MACROD2: variants seen among roughly 807,000 people sequenced by gnomAD.
The protein encoded by MACROD2 is mono-ADP ribosylhydrolase 2, also known as ADP-ribose glycohydrolase MACROD2.
Under a neutral mutation model 70.4 loss-of-function variants are expected in MACROD2, and 36 were observed. The ratio of observed to expected loss-of-function variants is 0.51; its 90% CI spans 0.39 to 0.68. MACROD2 has a LOEUF of 0.68. Among genes scored for constraint, MACROD2 ranks in the 30% least tolerant of loss-of-function variants. The probability of loss-of-function intolerance (pLI) is 0.00; values close to 1 mark genes in which losing one functional copy is unlikely to be tolerated. For synonymous variants in MACROD2, 172 were observed against 178.8 expected (o/e 0.96, Z 0.30); for missense variants, 496 against 538.4 (o/e 0.92, Z 0.78).
chr20:15,501,708 A>T (rs2047366985), intron 8 of MACROD2, among the ~76,000 whole-genome samples: 1 of 152,260 alleles, frequency 6.6e-6, no homozygotes, highest in East Asian at 1.9e-4. Flanking sequence ...ATTCCCTTTT[A>T]AAAAAGACCC....
chr20:15,213,994 C>T (rs1429092725), intron 5 of MACROD2, among the ~76,000 whole-genome samples: 1 of 152,014 alleles, frequency 6.6e-6, no homozygotes, highest in Non-Finnish European at 1.5e-5. Context: ...ATCCTTCTGC[C>T]TTGTCCTCCC....
chr20:15,652,712 G>A (rs891261574), intron 8 of MACROD2, among the ~76,000 whole-genome samples: 48 of 151,690 alleles, frequency 3.2e-4, no homozygotes, highest in African/African-American at 1.1e-3. Flanking sequence ...TTTGACTTTT[G>A]TGGTTTCCTA....
chr20:15,461,109 G>A (rs2046813144), intron 7 of MACROD2, among the ~76,000 whole-genome samples: 2 of 150,582 alleles, frequency 1.3e-5, no homozygotes, highest in Admixed American at 1.3e-4. Context: ...TTGGGCTCAA[G>A]TGAGTCTCCT....
chr20:14,532,204 C>A (rs143035941), intron 4 of MACROD2, among the ~76,000 whole-genome samples: 1 of 151,128 alleles, frequency 6.6e-6, no homozygotes, highest in East Asian at 1.9e-4. Context: ...ACAAAACAAT[C>A]CTGTATAACT....
intron 8 of MACROD2, among the ~76,000 whole-genome samples, chr20:15,590,045 GA>G (rs1184527327): frequency 1.3e-5 from 2 of 152,220 alleles, no homozygotes; most frequent in South Asian, 2.1e-4. Context: ...CATGAATAGA[GA>G]ATAGAAAACC....
At chr20:15,373,734 T>C (rs2045524791) in intron 6 of MACROD2, among the ~76,000 whole-genome samples, 1 of 152,188 alleles carries the variant, frequency 6.6e-6, no homozygotes, top group South Asian at 2.1e-4. Context: ...AGAAACTTTC[T>C]GGATTTTTAT....
intron 7 of MACROD2, among the ~76,000 whole-genome samples, chr20:15,478,548 T>C: frequency 1.9e-5 from 1 of 53,148 alleles, no homozygotes; most frequent in Non-Finnish European, 3.3e-5. Context: ...ACTGTGTGTG[T>C]GTGTCTGTGT....
intron 5 of MACROD2, among the ~76,000 whole-genome samples, chr20:14,728,703 T>C (rs16994841): frequency 0.013 from 2,041 of 152,290 alleles, 47 homozygotes; most frequent in African/African-American, 0.046. Flanking sequence ...GTTCAGTGTT[T>C]CATTCATGAT....
intron 8 of MACROD2, among the ~76,000 whole-genome samples, chr20:15,631,197 T>A (rs2049285473): frequency 2.0e-5 from 3 of 152,188 alleles, no homozygotes; most frequent in South Asian, 4.1e-4. Flanking sequence ...ACTGCCAAGT[T>A]CTTGCAGAAG....
chr20:14,951,924 T>C (rs1309936687), intron 5 of MACROD2, among the ~76,000 whole-genome samples: 1 of 151,744 alleles, frequency 6.6e-6, no homozygotes, highest in Non-Finnish European at 1.5e-5. Context: ...CATTTTTTTT[T>C]TTTTTTTCCA....
At chr20:15,939,496 C>T (rs1166532152) in intron 12 of MACROD2, among the ~76,000 whole-genome samples, 1 of 151,928 alleles carries the variant, frequency 6.6e-6, no homozygotes, top group Non-Finnish European at 1.5e-5. Flanking sequence ...TATTTTAAGC[C>T]CACTGTTGAG....
intron 3 of MACROD2, among the ~76,000 whole-genome samples, chr20:14,203,171 C>T (rs1324783028): frequency 6.6e-6 from 1 of 151,956 alleles, no homozygotes; most frequent in Non-Finnish European, 1.5e-5. Flanking sequence ...ATCTTGTCTA[C>T]TGTTGAAGCT....
intron 8 of MACROD2, among the ~76,000 whole-genome samples, chr20:15,557,302 G>A (rs931844163): frequency 3.9e-5 from 6 of 152,010 alleles, no homozygotes; most frequent in East Asian, 1.9e-4. Context: ...GACAAGATAC[G>A]GGTTAGGACC....
At chr20:15,546,540 C>T (rs531738460) in intron 8 of MACROD2, among the ~76,000 whole-genome samples, 4 of 152,076 alleles carry the variant, frequency 2.6e-5, no homozygotes, top group Non-Finnish European at 5.9e-5. Flanking sequence ...ATCCATCATG[C>T]CTGCAGAAAA....
intron 5 of MACROD2, among the ~76,000 whole-genome samples, chr20:15,146,066 C>T (rs903381806): frequency 1.3e-5 from 2 of 152,022 alleles, no homozygotes; most frequent in Non-Finnish European, 2.9e-5. Context: ...CATTTATTCC[C>T]AATCTTTGAG....
chr20:15,476,121 T>C (rs529140965), intron 7 of MACROD2, among the ~76,000 whole-genome samples: 1 of 152,326 alleles, frequency 6.6e-6, no homozygotes, highest in Non-Finnish European at 1.5e-5. Flanking sequence ...GTTATCTAGA[T>C]TTTTGACTGA....
chr20:15,344,861 G>A (rs1180624140), intron 6 of MACROD2, among the ~76,000 whole-genome samples: 2 of 152,180 alleles, frequency 1.3e-5, no homozygotes, highest in Admixed American at 1.3e-4. Context: ...ATTCCTCTCT[G>A]ATTGCCCCCT....
chr20:14,394,304 G>A (rs1169557153), intron 3 of MACROD2, among the ~76,000 whole-genome samples: 1 of 152,052 alleles, frequency 6.6e-6, no homozygotes, highest in Non-Finnish European at 1.5e-5. Flanking sequence ...TCGCTTTGTA[G>A]TTTTCAGTGT....
At chr20:14,816,541 T>C (rs2072775941) in intron 5 of MACROD2, among the ~76,000 whole-genome samples, 1 of 152,100 alleles carries the variant, frequency 6.6e-6, no homozygotes, top group African/African-American at 2.4e-5. Flanking sequence ...TATAAATTGA[T>C]CACATTTCCT....
Sources: allele counts gnomAD v4.1 joint callset (sites outside exome capture counted in the v4.1 genomes callset), GRCh38; gene constraint gnomAD v4.1.1; transcripts MANE v1.5; gene names NCBI Gene and HGNC (gene_info 2026-07-23, HGNC 2026-07-21).